The following ADIPOR2 variants were observed in gnomAD, a reference collection of about 807,000 sequenced individuals.
ADIPOR2 encodes the protein adiponectin receptor 2.
A neutral mutation model predicts 40.9 loss-of-function variants in ADIPOR2; 18 were observed. The ratio of observed to expected loss-of-function variants is 0.44; its 90% confidence interval spans 0.30 to 0.65. The LOEUF (loss-of-function observed/expected upper bound fraction) is 0.65, where lower values mean the gene tolerates loss of function less well. Among genes scored for constraint, ADIPOR2 ranks in the 30% least tolerant of loss-of-function variants. ADIPOR2 has a pLI of 0.09. For synonymous variants in ADIPOR2, 165 were observed against 166.4 expected (o/e 0.99, Z 0.06); for missense variants, 283 against 479.2 (o/e 0.59, Z 3.82).
chr12:1,719,761 G>A (rs1011815638), intron 1 of ADIPOR2, among the ~76,000 whole-genome samples: 1 of 150,872 alleles, frequency 6.6e-6, no homozygotes, highest in African/African-American at 2.4e-5. Flanking sequence ...TGCAACCTCC[G>A]CCTCCTGGGT....
intron 1 of ADIPOR2, among the ~76,000 whole-genome samples, chr12:1,714,405 T>G (rs990557423): frequency 6.6e-6 from 1 of 152,130 alleles, no homozygotes; most frequent in Admixed American, 6.5e-5. Flanking sequence ...TATCCTGATA[T>G]CTGCAGCTGA....
At chr12:1,714,602 T>C (rs2094684020) in intron 1 of ADIPOR2, among the ~76,000 whole-genome samples, 1 of 152,100 alleles carries the variant, frequency 6.6e-6, no homozygotes, top group Non-Finnish European at 1.5e-5. Flanking sequence ...TTAGTCCTTC[T>C]AGGACACAGG....
intron 2 of ADIPOR2, among the ~76,000 whole-genome samples, chr12:1,760,557 A>G (rs750158050): frequency 2.7e-4 from 41 of 152,318 alleles, no homozygotes; most frequent in Non-Finnish European, 4.4e-4. Context: ...GGACTTTTAA[A>G]TAAATGGAAG....
intron 1 of ADIPOR2, among the ~76,000 whole-genome samples, chr12:1,736,370 A>G (rs543870733): frequency 6.4e-4 from 97 of 152,238 alleles, no homozygotes; most frequent in African/African-American, 2.3e-3. Flanking sequence ...AGATTTTCTA[A>G]TTTATTTGCG....
At chr12:1,750,042 A>T (rs1006528509) in intron 1 of ADIPOR2, among the ~76,000 whole-genome samples, 4 of 151,760 alleles carry the variant, frequency 2.6e-5, no homozygotes, top group Non-Finnish European at 5.9e-5. Flanking sequence ...CTTGTTGCCC[A>T]GGCTGGTCTC....
chr12:1,720,567 G>A (rs2094695917), intron 1 of ADIPOR2, among the ~76,000 whole-genome samples: 2 of 152,178 alleles, frequency 1.3e-5, no homozygotes, highest in Admixed American at 1.3e-4. Context: ...CTCATAAGGA[G>A]CGTGCAACCT....
intron 6 of ADIPOR2, among the ~76,000 whole-genome samples, chr12:1,782,966 TTC>T (rs1374246435): frequency 7.3e-6 from 1 of 136,102 alleles, no homozygotes; most frequent in Non-Finnish European, 1.5e-5. Flanking sequence ...TTCTTTTTCT[TTC>T]TTTCTTTCTT....
intron 1 of ADIPOR2, among the ~76,000 whole-genome samples, chr12:1,708,049 CAA>C (rs1446878028): frequency 2.0e-5 from 3 of 151,828 alleles, no homozygotes; most frequent in South Asian, 2.1e-4. Context: ...AAAAAAATAA[CAA>C]TATGCGAATA....
intron 2 of ADIPOR2, among the ~76,000 whole-genome samples, chr12:1,756,791 G>T (rs1359920972): frequency 6.6e-6 from 1 of 152,046 alleles, no homozygotes; most frequent in Non-Finnish European, 1.5e-5. Context: ...AGAAATGGAG[G>T]GAAATGGTTG....
At chr12:1,735,486 A>C in intron 1 of ADIPOR2, among the ~76,000 whole-genome samples, 1 of 152,160 alleles carries the variant, frequency 6.6e-6, no homozygotes, top group African/African-American at 2.4e-5. Context: ...CAGCTTAAGG[A>C]GATTTTGGGC....
intron 1 of ADIPOR2, among the ~76,000 whole-genome samples, chr12:1,691,567 C>T (rs893203205): frequency 1.3e-5 from 2 of 152,234 alleles, no homozygotes; most frequent in Admixed American, 1.3e-4. Flanking sequence ...CTGCCCGCCC[C>T]TCTTCGTCTC....
rs866086757 is a variant in ADIPOR2 at position 1,754,386 on chromosome 12, C to T, written c.43C>T (p.Pro15Ser). ...TENRLGCSRTPEPDIRLRKGH... is the reference protein window; with the variant it reads ...TENRLGCSRTSEPDIRLRKGH... Reference sequence around the variant, plus strand: ...AAACCGATTGGGGTGCAGCAGGACTCCAGAGCCAGATATAAGGCTCAGAAA... The same window carrying T: ...AAACCGATTGGGGTGCAGCAGGACTTCAGAGCCAGATATAAGGCTCAGAAA... Residue 15 changes from proline (P) to serine (S), a missense_variant, in exon 2 of 8, where the codon CCA becomes TCA. By Grantham distance (74) the Pro-to-Ser change is moderately conservative (BLOSUM62 -1). This residue lies in a region of ADIPOR2 where 65 missense variants were observed against 79.9 expected (regional missense o/e 0.81). Coordinates refer to ENST00000357103, the MANE Select transcript of ADIPOR2 (RefSeq NM_024551.3). 1 of 1,612,636 alleles carries T rather than the reference C, an allele frequency of 6.2e-7. No individual in the cohort carries two copies. The highest frequency in any genetic ancestry group is 1.1e-5 in the South Asian group (1 of 90,742).
rs140616712 is a variant in ADIPOR2, at chr12:1,726,386, C to T, written c.-86-27872C>T. Among the ~76,000 whole-genome samples the T allele has an allele frequency of 3.0e-3, 449 of 152,122 alleles. 5 individuals carry two copies. The highest frequency in any genetic ancestry group is 0.01 in the African/African-American group (419 of 41,510). On this transcript the variant is annotated intron_variant, in intron 1 of 7. Transcript: ENST00000357103. ...CTAATTTTTGTATTTTTAGTAGAGA[C>T]GGGGTTTCACCATCTTGGCCAGGCT...
At chr12:1,710,514 AG>A (rs1244350280) in intron 1 of ADIPOR2, among the ~76,000 whole-genome samples, 1 of 152,028 alleles carries the variant, frequency 6.6e-6, no homozygotes, top group African/African-American at 2.4e-5. Context: ...GCTAAACACC[AG>A]GGCACCTGTC....
intron 2 of ADIPOR2, among the ~76,000 whole-genome samples, chr12:1,764,591 G>A (rs1005079732): frequency 4.8e-5 from 4 of 83,332 alleles, no homozygotes; most frequent in African/African-American, 1.9e-4. Context: ...ACACACACAC[G>A]TAGATATATT....
chr12:1,694,548 A>G lies in ADIPOR2; in HGVS notation c.-87+3357A>G, dbSNP rs1265866716. ...GTTTGGGGAATAAAGACAAGAAAAAAAAGTCTGCATGTTTCAAATACAGAT... is the reference window on the plus strand; with the variant it reads ...GTTTGGGGAATAAAGACAAGAAAAAGAAGTCTGCATGTTTCAAATACAGAT... On this transcript the variant is annotated intron_variant, in intron 1 of 7. Transcript: ENST00000357103. 2.0e-5 allele frequency among the ~76,000 whole-genome samples: 3 copies of G among 152,236 alleles called. No individual in the cohort carries two copies. The East Asian group carries it at 5.8e-4, about 29-fold the overall frequency.
At chr12:1,757,607 C>T (rs746221127) in intron 2 of ADIPOR2, 56 of 1,238,924 alleles carry the variant, frequency 4.5e-5, no homozygotes, top group Non-Finnish European at 6.2e-5. Context: ...TCATGAGTCA[C>T]CAGATGAGGG....
chr12:1,691,327 T>C (rs1156721975), intron 1 of ADIPOR2, 136 bp downstream of exon 1: 1 of 152,298 alleles, frequency 6.6e-6, no homozygotes, highest in Non-Finnish European at 1.5e-5. Flanking sequence ...GAGAGCGCGC[T>C]CTCGGCCCGG....
intron 1 of ADIPOR2, among the ~76,000 whole-genome samples, chr12:1,718,601 A>G (rs1180252066): frequency 1.3e-5 from 2 of 152,246 alleles, no homozygotes; most frequent in Non-Finnish European, 2.9e-5. Flanking sequence ...AATTTTGACA[A>G]ACATTACTGA....
Sources: gnomAD v4.1 joint callset for allele counts (sites outside exome capture counted in the v4.1 genomes callset) on GRCh38, gnomAD v4.1.1 for gene constraint, gnomAD v4.1.1 regional missense constraint, MANE v1.5 for transcripts, NCBI Gene and HGNC (gene_info 2026-07-23, HGNC 2026-07-21) for gene names.